IQSEC3: variants seen among roughly 807,000 people sequenced by gnomAD.
IQSEC3 encodes the protein IQ motif and SEC7 domain-containing protein 3.
IQSEC3 carries 50 observed loss-of-function variants against 105.4 expected under a neutral mutation model. The observed-to-expected ratio is 0.47, with a 90% CI of 0.38 to 0.60. IQSEC3 has a LOEUF of 0.60. IQSEC3 is among the 20% of genes least tolerant of loss of function. IQSEC3 has a pLI of 0.00. For missense variants in IQSEC3, 1,415 were observed against 1,630.0 expected (o/e 0.87, Z 2.27); for synonymous variants, 708 against 746.0 (o/e 0.95, Z 0.83).
At chr12:151,877 C>A (rs1453032757) in intron 5 of IQSEC3, among the ~76,000 whole-genome samples, 2 of 152,174 alleles carry the variant, frequency 1.3e-5, no homozygotes, top group African/African-American at 4.8e-5. Flanking sequence ...CCACCTCCTA[C>A]TCATCTTTCA....
At position 176,621 on chromosome 12, in the gene IQSEC3, T is replaced by C. The variant is rs1939245011; in HGVS notation, c.*1588T>C. 7.0e-6 allele frequency: 1 copy of C among 141,944 alleles called. No individual in the cohort carries two copies. Among genetic ancestry groups the C allele is most frequent in the Admixed American group, 6.7e-5 (1 of 14,866 alleles). The allele number at this position is 141,944 out of a possible 1,614,324, so 8.8% of individuals were successfully genotyped here. On this transcript the variant is annotated 3_prime_UTR_variant, in exon 14 of 14. Transcript: ENST00000538872. The surrounding 1 kb of genome is among the most constrained non-coding windows in gnomAD (Gnocchi z 4.0). ...GGTTCCAGATGACCTAGTTTCGTTT[T>C]GTGTGTGTGTGTGTGTGGTCACCCA... is the stretch of plus-strand genomic sequence containing the variant.
At chr12:133,115 G>A (rs2136984891) in intron 3 of IQSEC3, among the ~76,000 whole-genome samples, 1 of 152,314 alleles carries the variant, frequency 6.6e-6, no homozygotes. Context: ...CAGAGGGAAG[G>A]CAGACAGGGC....
Position 139,006 on chromosome 12 carries a change from C to T in IQSEC3, c.1643C>T (p.Ala548Val), listed in dbSNP as rs1555087977. 3.3e-6 allele frequency: 5 copies of T among 1,523,636 alleles called. No homozygotes were observed. The highest frequency in any genetic ancestry group is 4.4e-6 in the Non-Finnish European group (5 of 1,135,600). 94.4% of individuals were successfully genotyped at this position (1,523,636 alleles called of 1,614,324 possible). A position where few individuals can be genotyped will look rare whatever the true frequency, so the allele number is the denominator to read the frequency against. Residue 548 changes from alanine (A) to valine (V), a missense_variant, in exon 4 of 14, where the codon GCG (alanine) becomes GTG (valine). Transcript: ENST00000538872. ...GCCCCCGCCGTGGGCCGGGAGGACGCGTCAGCCGAGGACTCATGCGCAGAG... is the reference window on the plus strand; with the variant it reads ...GCCCCCGCCGTGGGCCGGGAGGACGTGTCAGCCGAGGACTCATGCGCAGAG... ...PEAPAVGRED[A>V]SAEDSCAEAA... is the part of the protein sequence containing the mutation.
intron 1 of IQSEC3, among the ~76,000 whole-genome samples, chr12:87,562 A>G (rs1397008829): frequency 6.6e-6 from 1 of 152,194 alleles, no homozygotes; most frequent in Non-Finnish European, 1.5e-5. Flanking sequence ...GATCAAGGTG[A>G]AAGGAAGCTC....
chr12:139,118 A>AGGGGCC lies in IQSEC3; in HGVS notation c.1757_1762dup (p.Gly586_Ala587dup). The stretch of plus-strand genomic sequence containing the variant: ...AGGAGGAGACGGCGGAGGTGGGGAG[A>AGGGGCC]GGGGCCGAGGCCGAGGCAGGCGACT... On this transcript the variant is annotated inframe_insertion, in exon 4 of 14. Coordinates refer to ENST00000538872, the MANE Select transcript of IQSEC3 (RefSeq NM_001170738.2). The AGGGGCC allele has an allele frequency of 2.6e-6, 4 of 1,511,278 alleles. No individual in the cohort carries two copies. The highest frequency in any genetic ancestry group is 3.5e-6 in the Non-Finnish European group (4 of 1,127,878). 93.6% of individuals were successfully genotyped at this position (1,511,278 alleles called of 1,614,324 possible).
intron 1 of IQSEC3, among the ~76,000 whole-genome samples, chr12:93,264 G>A (rs1172866088): frequency 6.6e-6 from 1 of 152,212 alleles, no homozygotes; most frequent in East Asian, 1.9e-4. Context: ...AGGACCTCAA[G>A]CCAGCCCTCC....
intron 3 of IQSEC3, among the ~76,000 whole-genome samples, chr12:129,752 C>T (rs1277504364): frequency 6.6e-6 from 1 of 152,080 alleles, no homozygotes; most frequent in African/African-American, 2.4e-5. Flanking sequence ...GAGTTGCAGT[C>T]AGTAGAATCT....
chr12:92,925 C>T (rs1864135094), intron 1 of IQSEC3, among the ~76,000 whole-genome samples: 1 of 152,230 alleles, frequency 6.6e-6, no homozygotes, highest in South Asian at 2.1e-4. Flanking sequence ...ATGCAAGAAG[C>T]ATTATCTGAG....
intron 5 of IQSEC3, among the ~76,000 whole-genome samples, chr12:153,278 C>T (rs1489240188): frequency 1.3e-5 from 2 of 152,078 alleles, no homozygotes; most frequent in East Asian, 1.9e-4. Context: ...GACACAGGCC[C>T]CATCAGGAAC....
chr12:149,714 G>A (rs1267112586), intron 5 of IQSEC3, among the ~76,000 whole-genome samples: 10 of 152,266 alleles, frequency 6.6e-5, no homozygotes, highest in South Asian at 2.1e-4. Context: ...GGTGGGTTCC[G>A]GGGACAACGG....
At chr12:99,452 T>G (rs1197756078) in intron 2 of IQSEC3, among the ~76,000 whole-genome samples, 2 of 152,180 alleles carry the variant, frequency 1.3e-5, no homozygotes, top group African/African-American at 2.4e-5. Flanking sequence ...ACACGTAGGC[T>G]CCTTCCTTCT....
In IQSEC3 at chr12:174,931, GC is replaced by G; in HGVS notation, c.3452del (p.Pro1151ArgfsTer68). On this transcript the variant is annotated frameshift_variant, in exon 14 of 14. Coordinates refer to ENST00000538872, the MANE Select transcript of IQSEC3 (RefSeq NM_001170738.2). LOFTEE classifies it high-confidence loss of function. ...PVKVTHQPPLPPPPPPYNHPH... is the reference protein window; with the variant it reads ...PVKVTHQPPLXPPPPPYNHPH... Reference sequence around the variant, plus strand: ...TCAAGGTCACCCACCAGCCTCCGCTGCCCCCGCCCCCACCCCCCTACAACCA... The same window carrying G: ...TCAAGGTCACCCACCAGCCTCCGCTGCCCCGCCCCCACCCCCCTACAACCA... 1 of 1,526,978 alleles carries G rather than the reference GC, an allele frequency of 6.5e-7. No individual in the cohort carries two copies. The highest frequency in any genetic ancestry group is 8.8e-7 in the Non-Finnish European group (1 of 1,139,812). 94.6% of individuals were successfully genotyped at this position (1,526,978 alleles called of 1,614,324 possible).
In IQSEC3 at chr12:141,110, A is replaced by AC; in HGVS notation, c.1992-9dup. ...AGCTCACTCTCTACTGCTTCTCCCCACCCCCACCTCCAGAAACCCCGACAA... is the reference window on the plus strand; with the variant it reads ...AGCTCACTCTCTACTGCTTCTCCCCACCCCCCACCTCCAGAAACCCCGACAA... On this transcript the variant is annotated splice_polypyrimidine_tract_variant and intron_variant, in intron 4 of 13. Coordinates refer to ENST00000538872, the MANE Select transcript of IQSEC3 (RefSeq NM_001170738.2). 8.2e-6 allele frequency: 10 copies of AC among 1,223,574 alleles called. No individual in the cohort carries two copies. Among genetic ancestry groups the AC allele is most frequent in the South Asian group, 4.4e-5 (3 of 68,698 alleles). The allele number at this position is 1,223,574 out of a possible 1,614,324, so 75.8% of individuals were successfully genotyped here. A position where few individuals can be genotyped will look rare whatever the true frequency, so the allele number is the denominator to read the frequency against.
chr12:112,638 C>T (rs782330511), intron 2 of IQSEC3, among the ~76,000 whole-genome samples: 2 of 152,156 alleles, frequency 1.3e-5, no homozygotes, highest in Non-Finnish European at 2.9e-5. Flanking sequence ...GCTTCCTCAA[C>T]CATAGCATGA....
At chr12:157,438 G>A in intron 6 of IQSEC3, 90 bp from the exon 7 acceptor site, 2 of 1,370,906 alleles carry the variant, frequency 1.5e-6, no homozygotes, top group Admixed American at 2.3e-5. Context: ...CGGAGAGCTG[G>A]GATACCCCCT....
At chr12:76,882 G>C (rs1863553502) in intron 1 of IQSEC3, among the ~76,000 whole-genome samples, 1 of 152,260 alleles carries the variant, frequency 6.6e-6, no homozygotes, top group Admixed American at 6.5e-5. Flanking sequence ...TCAGGGCTTT[G>C]GATGCACCAG....
Position 157,709 on chromosome 12 carries a change from A to G in IQSEC3, c.2443+15A>G, listed in dbSNP as rs1866743472. 1 of 1,607,146 alleles carries G rather than the reference A, an allele frequency of 6.2e-7. No homozygotes were observed. Among genetic ancestry groups the G allele is most frequent in the Non-Finnish European group, 8.5e-7 (1 of 1,175,762 alleles). ...AAACCTTCGAGGTGAGGAGGTGGGC[A>G]CTGGGGCAGGAGGGGCAAGGCCACG... On this transcript the variant is annotated intron_variant, in intron 7 of 13. Transcript: ENST00000538872.
intron 2 of IQSEC3, among the ~76,000 whole-genome samples, chr12:112,796 C>T (rs1864935064): frequency 6.6e-6 from 1 of 152,130 alleles, no homozygotes; most frequent in African/African-American, 2.4e-5. Context: ...CGAATGTTGA[C>T]CCTCTGGTGA....
chr12:70,632 C>T (rs1412284672), intron 1 of IQSEC3, among the ~76,000 whole-genome samples: 2 of 152,262 alleles, frequency 1.3e-5, no homozygotes, highest in Non-Finnish European at 1.5e-5. Context: ...CTCAACTTGA[C>T]CTGACAAATC....
Sources: gnomAD v4.1 joint callset for allele counts (sites outside exome capture counted in the v4.1 genomes callset) on GRCh38, gnomAD v4.1.1 for gene constraint, Gnocchi (gnomAD v3.1) non-coding constraint, MANE v1.5 for transcripts, NCBI Gene and HGNC (gene_info 2026-07-23, HGNC 2026-07-21) for gene names.